DNAAF9: variants seen among roughly 807,000 people sequenced by gnomAD.
DNAAF9 encodes shulin.
In DNAAF9, 90 loss-of-function variants were observed where a neutral mutation model predicts 167.0. The observed-to-expected ratio is 0.54, with a 90% confidence interval of 0.45 to 0.64. The LOEUF (loss-of-function observed/expected upper bound fraction) is 0.64, where lower values mean the gene tolerates loss of function less well. Ranked by LOEUF, DNAAF9 falls within the 30% of genes least tolerant of loss-of-function variation. The pLI, the probability that DNAAF9 is intolerant of heterozygous loss-of-function variation, is 0.00. For synonymous variants in DNAAF9, 491 were observed against 508.8 expected (o/e 0.96, Z 0.47); for missense variants, 1,315 against 1,442.2 (o/e 0.91, Z 1.43).
chr20:3,383,298 G>T (rs2083688144), intron 1 of DNAAF9, among the ~76,000 whole-genome samples: 1 of 141,588 alleles, frequency 7.1e-6, no homozygotes, highest in Non-Finnish European at 1.5e-5. Context: ...TTTTGAGATG[G>T]AGTCTGGCTC....
Position 3,267,730 on chromosome 20 carries a change from G to A in DNAAF9, c.2786+2697C>T, listed in dbSNP as rs368291766. Among the ~76,000 whole-genome samples, 5 of 152,192 alleles carry A rather than the reference G, an allele frequency of 3.3e-5. No homozygotes were observed. In the South Asian group the frequency reaches 8.3e-4, roughly 25 times the overall value. ...TGCACTTGTAATCCCAGCTACTAGG[G>A]AGGCTGGGGCAAGAGAATCACTTGA... On this transcript the variant is annotated intron_variant, in intron 30 of 36. Transcript: ENST00000252032.
chr20:3,339,721 T>A lies in DNAAF9; in HGVS notation c.981+783A>T, dbSNP rs2070040263. ...TCATCAAAAGTGTTTCTTAGCTATTTCCCCCTCTCCTAGGGAAGACAGGAA... is the reference window on the plus strand; with the variant it reads ...TCATCAAAAGTGTTTCTTAGCTATTACCCCCTCTCCTAGGGAAGACAGGAA... On this transcript the variant is annotated intron_variant, in intron 10 of 36. Transcript: ENST00000252032. 4.6e-5 allele frequency among the ~76,000 whole-genome samples: 7 copies of A among 152,242 alleles called. No homozygotes were observed. In the South Asian group the frequency reaches 1.5e-3, roughly 32 times the overall value.
chr20:3,360,846 G>A (rs886346846), intron 6 of DNAAF9, among the ~76,000 whole-genome samples: 3 of 152,182 alleles, frequency 2.0e-5, no homozygotes, highest in South Asian at 2.1e-4. Flanking sequence ...GAAGGATCAC[G>A]TGTGCTTCCA....
intron 10 of DNAAF9, among the ~76,000 whole-genome samples, chr20:3,339,556 T>C (rs1235809070): frequency 6.6e-6 from 1 of 152,192 alleles, no homozygotes; most frequent in African/African-American, 2.4e-5. Context: ...GAACTCCATC[T>C]TAGATGTACC....
chr20:3,282,909 T>C (rs148829837), intron 27 of DNAAF9, among the ~76,000 whole-genome samples: 8 of 152,338 alleles, frequency 5.3e-5, no homozygotes, highest in Non-Finnish European at 8.8e-5. Flanking sequence ...CTTCTTGGCA[T>C]TCCCTACCTC....
At chr20:3,292,029 C>T (rs1366722333) in intron 25 of DNAAF9, among the ~76,000 whole-genome samples, 3 of 149,972 alleles carry the variant, frequency 2.0e-5, no homozygotes, top group Non-Finnish European at 4.4e-5. Flanking sequence ...GATGGAGTCT[C>T]GCTCCATTGC....
intron 21 of DNAAF9, among the ~76,000 whole-genome samples, chr20:3,303,325 G>A (rs1464652052): frequency 3.3e-5 from 5 of 151,590 alleles, no homozygotes. Context: ...AGCTTCAGAA[G>A]TCTTCTAACC....
chr20:3,291,461 A>G (rs562002350), intron 25 of DNAAF9, among the ~76,000 whole-genome samples: 1 of 150,256 alleles, frequency 6.7e-6, no homozygotes, highest in East Asian at 2.0e-4. Flanking sequence ...CTCCTGCCTC[A>G]GCCTCCCGAG....
intron 6 of DNAAF9, among the ~76,000 whole-genome samples, chr20:3,370,622 A>G (rs1301328399): frequency 1.3e-5 from 2 of 151,972 alleles, no homozygotes; most frequent in African/African-American, 4.8e-5. Flanking sequence ...GTTGGCCAGG[A>G]CGGTCCCGAT....
chr20:3,307,316 C>T (rs1414233809), intron 20 of DNAAF9: 1 of 178,214 alleles, frequency 5.6e-6, no homozygotes, highest in Non-Finnish European at 1.1e-5. Flanking sequence ...TGTGATCTGT[C>T]CTGTGATCGC....
At position 3,372,263 on chromosome 20, in the gene DNAAF9, A is replaced by G. The variant is rs187625329; in HGVS notation, c.612+1785T>C. On this transcript the variant is annotated intron_variant, in intron 6 of 36. Transcript: ENST00000252032. ...CACTGGCAGAGCCCATCTGTAGGCC[A>G]AACTGCTCCACACCTCAAAGCACTG... 2.6e-5 allele frequency among the ~76,000 whole-genome samples: 4 copies of G among 152,368 alleles called. No individual in the cohort carries two copies. In the East Asian group the frequency reaches 7.7e-4, roughly 29 times the overall value.
intron 1 of DNAAF9, among the ~76,000 whole-genome samples, chr20:3,386,396 A>G (rs1040203293): frequency 6.6e-6 from 1 of 152,234 alleles, no homozygotes; most frequent in African/African-American, 2.4e-5. Flanking sequence ...TAGTCTTTTC[A>G]ATAAGTAGGG....
chr20:3,265,991 T>A (rs965398760), intron 30 of DNAAF9, among the ~76,000 whole-genome samples: 13 of 152,238 alleles, frequency 8.5e-5, no homozygotes, highest in African/African-American at 2.9e-4. Context: ...AAATTTATCA[T>A]CTTTATTCTC....
At chr20:3,347,428 G>A (rs1172377881) in intron 8 of DNAAF9, among the ~76,000 whole-genome samples, 1 of 152,162 alleles carries the variant, frequency 6.6e-6, no homozygotes, top group Non-Finnish European at 1.5e-5. Flanking sequence ...AGGATGCCAA[G>A]GGGAAGTCTG....
intron 10 of DNAAF9, among the ~76,000 whole-genome samples, chr20:3,333,989 G>A (rs1434223664): frequency 6.6e-6 from 1 of 152,152 alleles, no homozygotes; most frequent in Admixed American, 6.5e-5. Flanking sequence ...TTTTAAGTCA[G>A]GCTGAATCAA....
chr20:3,349,181 C>A (rs2070257323), intron 7 of DNAAF9, among the ~76,000 whole-genome samples: 1 of 124,082 alleles, frequency 8.1e-6, no homozygotes. Flanking sequence ...ATGATGAGAC[C>A]TCGTCTCTAC....
At chr20:3,361,846 G>A in intron 6 of DNAAF9, 1 of 1,445,914 alleles carries the variant, frequency 6.9e-7, no homozygotes, top group South Asian at 1.2e-5. Flanking sequence ...GAATGTTGGG[G>A]GGAAGGGGAA....
chr20:3,318,850 G>C (rs568107711), intron 16 of DNAAF9, among the ~76,000 whole-genome samples: 1 of 151,924 alleles, frequency 6.6e-6, no homozygotes, highest in Non-Finnish European at 1.5e-5. Context: ...AGGTTGAGGC[G>C]GGTGGATCAC....
intron 1 of DNAAF9, among the ~76,000 whole-genome samples, chr20:3,404,428 T>C (rs2084028813): frequency 6.6e-6 from 1 of 152,226 alleles, no homozygotes; most frequent in Non-Finnish European, 1.5e-5. Flanking sequence ...AGGAAACCAT[T>C]TTCTCTCAGA....
Sources: allele counts gnomAD v4.1 joint callset (sites outside exome capture counted in the v4.1 genomes callset), GRCh38; gene constraint gnomAD v4.1.1; transcripts MANE v1.5; gene names NCBI Gene and HGNC (gene_info 2026-07-23, HGNC 2026-07-21).